The following NEXMIF variants were observed in gnomAD, a reference collection of about 807,000 sequenced individuals.
NEXMIF encodes neurite extension and migration factor.
NEXMIF carries 8 observed loss-of-function variants against 62.1 expected under a neutral mutation model. The observed-to-expected ratio is 0.13, with a 90% CI of 0.08 to 0.23. The LOEUF (loss-of-function observed/expected upper bound fraction) is 0.23, where lower values mean the gene tolerates loss of function less well. Among genes scored for constraint, NEXMIF ranks in the 10% least tolerant of loss-of-function variants. The probability of loss-of-function intolerance (pLI) is 1.00; values close to 1 mark genes in which losing one functional copy is unlikely to be tolerated. For synonymous variants in NEXMIF, 404 were observed against 416.6 expected (o/e 0.97, Z 0.37); for missense variants, 976 against 1,113.3 (o/e 0.88, Z 1.75).
chrX:74,826,307 TGTC>T (rs2080417118), intron 1 of NEXMIF, among the ~76,000 whole-genome samples: 1 of 112,339 alleles, frequency 8.9e-6, no homozygotes. Flanking sequence ...GCCACATGTA[TGTC>T]TTCTTTTGAA....
intron 1 of NEXMIF, among the ~76,000 whole-genome samples, chrX:74,851,791 A>G (rs1332965590): frequency 8.9e-6 from 1 of 111,933 alleles, no homozygotes; most frequent in Admixed American, 9.5e-5. Context: ...ACACAAAAGT[A>G]TAAAACCACT....
chrX:74,840,123 G>A (rs2080469377), intron 1 of NEXMIF, among the ~76,000 whole-genome samples: 1 of 111,729 alleles, frequency 9.0e-6, no homozygotes, highest in African/African-American at 3.3e-5. Context: ...GGGGTGAGAC[G>A]GCATCTCATT....
chrX:74,765,335 G>A (rs1024098112), intron 1 of NEXMIF, among the ~76,000 whole-genome samples: 5 of 111,542 alleles, frequency 4.5e-5, no homozygotes, highest in Admixed American at 3.8e-4. Context: ...ATGTAAGTTG[G>A]GTTTCTTGAA....
intron 1 of NEXMIF, among the ~76,000 whole-genome samples, chrX:74,873,320 T>G (rs1050448780): frequency 2.7e-5 from 3 of 112,184 alleles, no homozygotes; most frequent in Non-Finnish European, 5.6e-5. Context: ...GGACATGAAC[T>G]CATCATTTTT....
chrX:74,843,456 C>T (rs1417268506), intron 1 of NEXMIF, among the ~76,000 whole-genome samples: 1 of 109,665 alleles, frequency 9.1e-6, no homozygotes, highest in Non-Finnish European at 1.9e-5. Flanking sequence ...GCTCTGTTCC[C>T]CAGGCTGGAG....
intron 1 of NEXMIF, among the ~76,000 whole-genome samples, chrX:74,812,101 C>A (rs904432210): frequency 8.9e-6 from 1 of 112,822 alleles, no homozygotes; most frequent in African/African-American, 3.2e-5. Context: ...AGACAGAAGG[C>A]AGAATTGGAC....
At position 74,741,615 on chromosome X, in the gene NEXMIF, C is replaced by T. The variant is rs745545606; in HGVS notation, c.2942G>A (p.Gly981Glu). The T allele has an allele frequency of 8.3e-7, 1 of 1,211,358 alleles. No homozygotes were observed. The highest frequency in any genetic ancestry group is 2.2e-5 in the Admixed American group (1 of 46,026). The change falls in exon 3 of 4, where the codon GGG (glycine) becomes GAG (glutamate). Residue 981 changes from glycine to glutamate, a missense_variant. Transcript: ENST00000055682. ...NGEICFPFQQ[G>E]PVNMDDGRLF... ...CCGACCATCATCCATATTGACTGGCCCCTGCTGGAAAGGAAAGCAGATCTC... is the reference window on the plus strand; with the variant it reads ...CCGACCATCATCCATATTGACTGGCTCCTGCTGGAAAGGAAAGCAGATCTC...
At chrX:74,751,129 C>T (rs2080140906) in intron 1 of NEXMIF, among the ~76,000 whole-genome samples, 1 of 111,177 alleles carries the variant, frequency 9.0e-6, no homozygotes, top group Non-Finnish European at 1.9e-5. Context: ...ACTTGGTGGG[C>T]TGAGGCAGGA....
chrX:74,763,944 T>C (rs10217862), intron 1 of NEXMIF, among the ~76,000 whole-genome samples: 2,596 of 111,580 alleles, frequency 0.023, 78 homozygotes, highest in African/African-American at 0.081. Flanking sequence ...CTTTTCCTAA[T>C]TGAATACCCT....
chrX:74,887,311 A>C lies in NEXMIF; in HGVS notation c.-48+37572T>G, dbSNP rs748688814. ...CAAAATTGACAAATGGGATCTAATT[A>C]AACTAAAGAGCTTCTGCACAGCAAA... On this transcript the variant is annotated intron_variant, in intron 1 of 3. Transcript: ENST00000055682. Among the ~76,000 whole-genome samples, 430 of 111,149 alleles carry C rather than the reference A, an allele frequency of 3.9e-3. 1 individual carries two copies. Among genetic ancestry groups the C allele is most frequent in the African/African-American group, 0.01 (312 of 30,583 alleles).
At chrX:74,780,288 G>A (rs999410344) in intron 1 of NEXMIF, among the ~76,000 whole-genome samples, 7 of 110,865 alleles carry the variant, frequency 6.3e-5, no homozygotes, top group African/African-American at 1.3e-4. Flanking sequence ...TATACCACAT[G>A]ATCTAGTTGG....
chrX:74,743,514 C>T lies in NEXMIF; in HGVS notation c.1043G>A (p.Arg348Gln), dbSNP rs1450254955. ...FPSVFTTCPK[R>Q]ESKSGALKQS... ...CTTCAGGGCCCCACTCTTAGACTCT[C>T]GCTTGGGGCAGGTAGTAAAGACGCT... Residue 348 changes from arginine to glutamine, a missense_variant, in exon 3 of 4, where the codon CGA becomes CAA. By Grantham distance (43) the Arg-to-Gln change is conservative (BLOSUM62 1). This residue lies in a region of NEXMIF where 639 missense variants were observed against 694.5 expected (regional missense o/e 0.92). Coordinates refer to ENST00000055682, the MANE Select transcript of NEXMIF (RefSeq NM_001008537.3). The T allele has an allele frequency of 9.1e-6, 11 of 1,211,313 alleles. No individual in the cohort carries two copies. Among genetic ancestry groups the T allele is most frequent in the African/African-American group, 1.7e-5 (1 of 57,620 alleles).
intron 1 of NEXMIF, among the ~76,000 whole-genome samples, chrX:74,813,196 A>G (rs758734353): frequency 8.9e-6 from 1 of 111,880 alleles, no homozygotes; most frequent in South Asian, 3.7e-4. Context: ...TTAATTAAAC[A>G]AAAGGAAGCA....
chrX:74,900,874 T>C (rs1349787484), intron 1 of NEXMIF, among the ~76,000 whole-genome samples: 4 of 112,339 alleles, frequency 3.6e-5, no homozygotes, highest in Admixed American at 1.9e-4. Context: ...CTGAAGAACA[T>C]TATGGTGATG....
intron 1 of NEXMIF, among the ~76,000 whole-genome samples, chrX:74,777,632 G>A (rs1047748408): frequency 4.5e-5 from 5 of 111,246 alleles, no homozygotes; most frequent in African/African-American, 9.8e-5. Flanking sequence ...TATTTTTCTC[G>A]TTTTCCATGT....
chrX:74,866,001 T>A (rs1447786892), intron 1 of NEXMIF, among the ~76,000 whole-genome samples: 2 of 111,384 alleles, frequency 1.8e-5, no homozygotes, highest in Non-Finnish European at 3.8e-5. Context: ...GAATCTCCAC[T>A]GGGGCACTGC....
At chrX:74,866,536 T>C (rs2080579789) in intron 1 of NEXMIF, among the ~76,000 whole-genome samples, 1 of 112,159 alleles carries the variant, frequency 8.9e-6, no homozygotes, top group South Asian at 3.7e-4. Flanking sequence ...TTTCAAAATG[T>C]GAGAACATGA....
intron 1 of NEXMIF, among the ~76,000 whole-genome samples, chrX:74,805,467 ACT>A (rs1215298088): frequency 8.9e-6 from 1 of 111,737 alleles, no homozygotes; most frequent in Non-Finnish European, 1.9e-5. Flanking sequence ...CTGCCTGTTT[ACT>A]CTGTTGATAG....
In NEXMIF at chrX:74,742,808, G is replaced by C. The variant is rs776062521; in HGVS notation, c.1749C>G (p.Pro583=). 158 of 1,209,493 alleles carry C rather than the reference G, an allele frequency of 1.3e-4. 1 individual carries two copies. The South Asian group carries it at 2.6e-3, about 20-fold the overall frequency. The change falls in exon 3 of 4, where the codon CCC becomes CCG. Residue 583 remains proline, a synonymous_variant. Coordinates refer to ENST00000055682, the MANE Select transcript of NEXMIF (RefSeq NM_001008537.3). The part of the protein sequence containing the change: ...NQLNKYAKLA[P]LKGFWQKKKK... ...TCTTCTTTTGCCAGAAGCCTTTCAA[G>C]GGTGCCAGCTTGGCATATTTGTTGA...
Sources: allele counts gnomAD v4.1 joint callset (sites outside exome capture counted in the v4.1 genomes callset), GRCh38; gene constraint gnomAD v4.1.1; regional missense constraint gnomAD v4.1.1; transcripts MANE v1.5; gene names NCBI Gene and HGNC (gene_info 2026-07-23, HGNC 2026-07-21).